Variants in CFAP299 observed in about 807,000 individuals in gnomAD.
CFAP299 encodes the protein cilia- and flagella-associated protein 299.
In CFAP299, 21 loss-of-function variants were observed where a neutral mutation model predicts 27.0. The ratio of observed to expected loss-of-function variants is 0.78; its 90% CI spans 0.55 to 1.12. The LOEUF (loss-of-function observed/expected upper bound fraction) is 1.12, where lower values mean the gene tolerates loss of function less well. Ranked by LOEUF, CFAP299 falls within the 50% of genes most tolerant of loss-of-function variation. CFAP299 has a pLI of 0.00. For missense variants in CFAP299, 310 were observed against 276.6 expected (o/e 1.12, Z -0.86); for synonymous variants, 104 against 98.1 (o/e 1.06, Z -0.36).
At chr4:80,861,940 A>G (rs917679834) in intron 3 of CFAP299, among the ~76,000 whole-genome samples, 4 of 152,094 alleles carry the variant, frequency 2.6e-5, no homozygotes, top group African/African-American at 9.7e-5. Flanking sequence ...AAATATAATA[A>G]TTTTATTTTC....
At chr4:80,783,584 G>T (rs564299461) in intron 3 of CFAP299, among the ~76,000 whole-genome samples, 3 of 152,192 alleles carry the variant, frequency 2.0e-5, no homozygotes, top group African/African-American at 7.2e-5. Context: ...TTCTGAAATA[G>T]GTCTTTGTTT....
At chr4:80,636,643 T>C (rs1175718288) in intron 3 of CFAP299, among the ~76,000 whole-genome samples, 1 of 152,184 alleles carries the variant, frequency 6.6e-6, no homozygotes, top group Non-Finnish European at 1.5e-5. Context: ...TGGTATCCTA[T>C]ATTTATGACT....
At chr4:80,660,810 G>A (rs935008314) in intron 3 of CFAP299, among the ~76,000 whole-genome samples, 6 of 152,086 alleles carry the variant, frequency 3.9e-5, no homozygotes, top group African/African-American at 1.4e-4. Context: ...TATTGTAGCA[G>A]CCATCCACAG....
chr4:80,442,222 AC>A (rs1347099098), intron 2 of CFAP299, among the ~76,000 whole-genome samples: 2 of 152,214 alleles, frequency 1.3e-5, no homozygotes, highest in Non-Finnish European at 2.9e-5. Flanking sequence ...ATAGATGTCT[AC>A]AAAATTATCC....
chr4:80,434,957 T>A (rs1215921045), intron 2 of CFAP299, among the ~76,000 whole-genome samples: 1 of 152,208 alleles, frequency 6.6e-6, no homozygotes, highest in African/African-American at 2.4e-5. Context: ...CTGCTTTTGC[T>A]CTTTTAGTGA....
intron 2 of CFAP299, among the ~76,000 whole-genome samples, chr4:80,572,575 T>C (rs943530516): frequency 2.2e-5 from 3 of 134,932 alleles, no homozygotes; most frequent in African/African-American, 8.3e-5. Context: ...TGGAATGTAA[T>C]GGTGCTATCT....
intron 2 of CFAP299, among the ~76,000 whole-genome samples, chr4:80,462,136 C>CA: frequency 2.0e-5 from 3 of 152,304 alleles, no homozygotes; most frequent in Non-Finnish European, 4.4e-5. Context: ...AATGGGCATT[C>CA]AAAACCATAG....
chr4:80,840,477 CA>C (rs1730803614), intron 3 of CFAP299, among the ~76,000 whole-genome samples: 1 of 152,042 alleles, frequency 6.6e-6, no homozygotes, highest in Non-Finnish European at 1.5e-5. Context: ...TTTACATGGG[CA>C]GATAAGAAAG....
chr4:80,727,977 T>G (rs1204814395), intron 3 of CFAP299, among the ~76,000 whole-genome samples: 1 of 152,038 alleles, frequency 6.6e-6, no homozygotes, highest in East Asian at 1.9e-4. Context: ...TCAAATTATT[T>G]GTTTTGCAGT....
At chr4:80,791,737 T>TTA (rs1036717736) in intron 3 of CFAP299, among the ~76,000 whole-genome samples, 1 of 151,732 alleles carries the variant, frequency 6.6e-6, no homozygotes, top group African/African-American at 2.4e-5. Context: ...TTTCAGAGAG[T>TTA]TAACCTGTAT....
intron 3 of CFAP299, among the ~76,000 whole-genome samples, chr4:80,775,945 G>T (rs1470422064): frequency 6.6e-6 from 1 of 152,046 alleles, no homozygotes; most frequent in Non-Finnish European, 1.5e-5. Flanking sequence ...GAGGATATTG[G>T]CATTTTATAA....
At chr4:80,627,123 T>C (rs1279404442) in intron 3 of CFAP299, among the ~76,000 whole-genome samples, 1 of 151,896 alleles carries the variant, frequency 6.6e-6, no homozygotes, top group Non-Finnish European at 1.5e-5. Flanking sequence ...CTGAATTCAA[T>C]GGTACATTGA....
At chr4:80,781,369 G>A (rs2110091135) in intron 3 of CFAP299, among the ~76,000 whole-genome samples, 1 of 152,070 alleles carries the variant, frequency 6.6e-6, no homozygotes, top group East Asian at 1.9e-4. Flanking sequence ...AAATAAGAGA[G>A]GTGTATGTGA....
intron 3 of CFAP299, among the ~76,000 whole-genome samples, chr4:80,770,844 G>A (rs984688272): frequency 1.5e-3 from 223 of 152,106 alleles, no homozygotes; most frequent in Non-Finnish European, 4.6e-4. Flanking sequence ...TCTCAGCTTC[G>A]GGGGGCTGCT....
At chr4:80,396,123 A>C (rs1255813214) in intron 2 of CFAP299, among the ~76,000 whole-genome samples, 1 of 152,152 alleles carries the variant, frequency 6.6e-6, no homozygotes, top group Non-Finnish European at 1.5e-5. Context: ...CTTAGTTGAT[A>C]AATTATTTTT....
chr4:80,791,734 G>A (rs909639740), intron 3 of CFAP299, among the ~76,000 whole-genome samples: 2 of 151,860 alleles, frequency 1.3e-5, no homozygotes, highest in Non-Finnish European at 2.9e-5. Flanking sequence ...AGATTTCAGA[G>A]AGTTAACCTG....
chr4:80,364,682 C>T (rs1578358347), intron 2 of CFAP299, among the ~76,000 whole-genome samples: 1 of 152,278 alleles, frequency 6.6e-6, no homozygotes, highest in East Asian at 1.9e-4. Context: ...TGGTTTGTTG[C>T]ACAGGTCATC....
chr4:80,830,804 A>T (rs973469893), intron 3 of CFAP299, among the ~76,000 whole-genome samples: 1 of 152,104 alleles, frequency 6.6e-6, no homozygotes, highest in Non-Finnish European at 1.5e-5. Context: ...AAAACTCAAG[A>T]TAATTAACAA....
chr4:80,337,114 T>G (rs1722183918), intron 1 of CFAP299, among the ~76,000 whole-genome samples: 1 of 152,230 alleles, frequency 6.6e-6, no homozygotes, highest in Non-Finnish European at 1.5e-5. Flanking sequence ...AAAAGTCAGT[T>G]TATGCCTTGC....
Sources: allele counts gnomAD v4.1 joint callset (sites outside exome capture counted in the v4.1 genomes callset), GRCh38; gene constraint gnomAD v4.1.1; transcripts MANE v1.5; gene names NCBI Gene and HGNC (gene_info 2026-07-23, HGNC 2026-07-21).